Variants in FRAS1 observed in about 807,000 individuals in gnomAD.
The protein encoded by FRAS1 is extracellular matrix organizing protein FRAS1.
In FRAS1, 290 loss-of-function variants were observed where a neutral mutation model predicts 435.2. The ratio of observed to expected loss-of-function variants is 0.67; its 90% CI spans 0.61 to 0.73. The LOEUF is 0.73. Among genes scored for constraint, FRAS1 ranks in the 30% least tolerant of loss-of-function variants. The probability of loss-of-function intolerance (pLI) is 0.00; values close to 1 mark genes in which losing one functional copy is unlikely to be tolerated. For synonymous variants in FRAS1, 1,800 were observed against 1,851.0 expected (o/e 0.97, Z 0.71); for missense variants, 4,860 against 5,001.5 (o/e 0.97, Z 0.85).
chr4:78,347,775 G>A (rs550623110), intron 20 of FRAS1, among the ~76,000 whole-genome samples: 11 of 94,622 alleles, frequency 1.2e-4, no homozygotes, highest in Middle Eastern at 4.8e-3. Flanking sequence ...ATGTGTGTGC[G>A]TGTGTGTGTG....
rs61309168 is a variant in FRAS1, at chr4:78,080,679, T to C, written c.108+14663T>C. Among the ~76,000 whole-genome samples, 854 of 152,316 alleles carry C rather than the reference T, an allele frequency of 5.6e-3. 13 individuals carry two copies. The highest frequency in any genetic ancestry group is 0.02 in the African/African-American group (819 of 41,572). On this transcript the variant is annotated intron_variant, in intron 2 of 73. Transcript: ENST00000512123. Reference sequence around the variant, plus strand: ...TACATCAATTGTACAAGCAGATACATGTAAGCATTCTGTAGGTGCATATTA... The same window carrying C: ...TACATCAATTGTACAAGCAGATACACGTAAGCATTCTGTAGGTGCATATTA...
rs921164628 is a variant in FRAS1, at chr4:78,526,652, A to G, written c.10920A>G (p.Pro3640=). The change falls in exon 70 of 74, where the codon CCA becomes CCG. Residue 3640 remains proline, a synonymous_variant. Coordinates refer to ENST00000512123, the MANE Select transcript of FRAS1 (RefSeq NM_025074.7). ...CTTTGGCCTGCACTGCACATGCCCC[A>G]GAAAGGTAGGAAAATATAGTCAATC... ...EKPLACTAHA[P]ERFLIPIAFQ... 1 of 1,555,368 alleles carries G rather than the reference A, an allele frequency of 6.4e-7. No individual in the cohort carries two copies. The highest frequency in any genetic ancestry group is 2.0e-5 in the Admixed American group (1 of 50,726).
At chr4:78,112,947 A>G (rs187858515) in intron 2 of FRAS1, among the ~76,000 whole-genome samples, 8 of 152,200 alleles carry the variant, frequency 5.3e-5, no homozygotes, top group African/African-American at 1.9e-4. Flanking sequence ...ATTTAACATT[A>G]GGTATATCTT....
At chr4:78,120,744 C>T (rs72860640) in intron 2 of FRAS1, among the ~76,000 whole-genome samples, 9,572 of 152,162 alleles carry the variant, frequency 0.063, 818 homozygotes, top group African/African-American at 0.19. Context: ...ATTCACTGCC[C>T]GTGAATCATA....
chr4:78,480,051 A>G (rs1719965528), intron 56 of FRAS1, among the ~76,000 whole-genome samples: 1 of 152,284 alleles, frequency 6.6e-6, no homozygotes, highest in Middle Eastern at 3.4e-3. Context: ...TCATCACCTC[A>G]CCTCAAGCAT....
chr4:78,167,767 T>C (rs1721392742), intron 2 of FRAS1, among the ~76,000 whole-genome samples: 1 of 152,038 alleles, frequency 6.6e-6, no homozygotes, highest in Non-Finnish European at 1.5e-5. Flanking sequence ...GAACCTATGC[T>C]GTTAACCACC....
chr4:78,257,413 A>T (rs1209201045), intron 6 of FRAS1, among the ~76,000 whole-genome samples: 2 of 152,178 alleles, frequency 1.3e-5, no homozygotes, highest in African/African-American at 2.4e-5. Flanking sequence ...CCTTCCAAGA[A>T]TGTTATATAC....
Position 78,333,340 on chromosome 4 carries a change from C to A in FRAS1, c.2206C>A (p.His736Asn). 1 of 1,612,524 alleles carries A rather than the reference C, an allele frequency of 6.2e-7. No individual in the cohort carries two copies. The highest frequency in any genetic ancestry group is 1.1e-5 in the South Asian group (1 of 90,504). Residue 736 changes from histidine to asparagine, a missense_variant, in exon 19 of 74, where the codon CAT (histidine) becomes AAT (asparagine). His to Asn is a moderately conservative substitution (Grantham distance 68). Coordinates refer to ENST00000512123, the MANE Select transcript of FRAS1 (RefSeq NM_025074.7). The part of the protein sequence containing the change: ...PHNCTDCGPS[H>N]VLLDGQCLSQ... ...TAACTGCACAGACTGTGGGCCTTCC[C>A]ATGTGCTGTTGGATGGGCAGTGCCT... is the stretch of plus-strand genomic sequence containing the variant.
intron 72 of FRAS1, 89 bp from the exon 73 acceptor site, chr4:78,539,205 G>T: frequency 7.8e-7 from 1 of 1,280,374 alleles, no homozygotes. Flanking sequence ...CAGGAGTGAT[G>T]AGTACTTTTC....
intron 18 of FRAS1, among the ~76,000 whole-genome samples, chr4:78,330,907 C>T (rs1333309312): frequency 6.6e-6 from 1 of 152,204 alleles, no homozygotes; most frequent in East Asian, 1.9e-4. Context: ...ACACCCTATT[C>T]GTATCCTCCT....
At chr4:78,195,166 G>A (rs1008191176) in intron 2 of FRAS1, among the ~76,000 whole-genome samples, 2 of 152,212 alleles carry the variant, frequency 1.3e-5, no homozygotes, top group Admixed American at 6.5e-5. Context: ...GCCGTGTGAG[G>A]TGTCAGTCTG....
At chr4:78,535,849 C>T (rs544044216) in intron 71 of FRAS1, among the ~76,000 whole-genome samples, 50 of 152,294 alleles carry the variant, frequency 3.3e-4, no homozygotes, top group Admixed American at 1.9e-3. Context: ...CTCCTCAGCA[C>T]GGTTTGTCTA....
intron 65 of FRAS1, 72 bp from the exon 66 acceptor site, chr4:78,515,727 G>C (rs1243322619): frequency 2.3e-5 from 32 of 1,410,504 alleles, no homozygotes; most frequent in Non-Finnish European, 3.2e-5. Flanking sequence ...AAAAGGGTGA[G>C]CTCTTCACCC....
At chr4:78,081,260 A>G (rs1205843276) in intron 2 of FRAS1, among the ~76,000 whole-genome samples, 2 of 152,198 alleles carry the variant, frequency 1.3e-5, no homozygotes, top group African/African-American at 2.4e-5. Context: ...ACTTTCTGCC[A>G]CAGTGAAAAT....
intron 56 of FRAS1, among the ~76,000 whole-genome samples, chr4:78,480,901 C>T (rs953560354): frequency 6.6e-6 from 1 of 152,232 alleles, no homozygotes; most frequent in Non-Finnish European, 1.5e-5. Context: ...CCATACCGTG[C>T]ATGTTCCATG....
At chr4:78,387,262 G>T in intron 28 of FRAS1, 113 bp from the exon 29 acceptor site, 2 of 776,408 alleles carry the variant, frequency 2.6e-6, no homozygotes, top group Non-Finnish European at 4.2e-6. Flanking sequence ...TTGGTGCTTT[G>T]CTAGAACACT....
chr4:78,336,754 TTCA>T (rs1730185418), intron 19 of FRAS1, among the ~76,000 whole-genome samples: 1 of 152,232 alleles, frequency 6.6e-6, no homozygotes, highest in African/African-American at 2.4e-5. Flanking sequence ...CAGGAGGGAA[TTCA>T]TCAGTTCCTG....
At chr4:78,170,890 C>T (rs1463180226) in intron 2 of FRAS1, among the ~76,000 whole-genome samples, 1 of 152,008 alleles carries the variant, frequency 6.6e-6, no homozygotes, top group Non-Finnish European at 1.5e-5. Flanking sequence ...TTTCTCAGGC[C>T]ACCTCCCTCC....
At position 78,508,926 on chromosome 4, in the gene FRAS1, G is replaced by T. The variant is rs762597685; in HGVS notation, c.9700G>T (p.Ala3234Ser). 1.1e-5 allele frequency: 17 copies of T among 1,613,818 alleles called. No individual in the cohort carries two copies. Among genetic ancestry groups the T allele is most frequent in the Non-Finnish European group, 1.2e-5 (14 of 1,179,888 alleles). ...TSVQFSWEVA[A>S]PTDGNGARSP... is the part of the protein sequence containing the mutation. ...TGTGCAGTTCAGCTGGGAAGTGGCTGCCCCCACTGATGGCAATGGGGCCCG... is the reference window on the plus strand; with the variant it reads ...TGTGCAGTTCAGCTGGGAAGTGGCTTCCCCCACTGATGGCAATGGGGCCCG... Residue 3234 changes from alanine to serine, a missense_variant, in exon 63 of 74, where the codon GCC becomes TCC. Ala to Ser is a moderately conservative substitution (Grantham distance 99). Transcript: ENST00000512123.
Sources: gnomAD v4.1 joint callset for allele counts (sites outside exome capture counted in the v4.1 genomes callset) on GRCh38, gnomAD v4.1.1 for gene constraint, MANE v1.5 for transcripts, NCBI Gene and HGNC (gene_info 2026-07-23, HGNC 2026-07-21) for gene names.